Variants in C5orf34 observed in about 807,000 individuals in gnomAD.
C5orf34 encodes chromosome 5 open reading frame 34.
Under a neutral mutation model 78.4 loss-of-function variants are expected in C5orf34, and 73 were observed. The observed-to-expected ratio is 0.93, with a 90% CI of 0.77 to 1.13. C5orf34 has a LOEUF of 1.13. Among genes scored for constraint, C5orf34 ranks in the 50% most tolerant of loss-of-function variants. C5orf34 has a pLI of 0.00. For missense variants in C5orf34, 730 were observed against 732.7 expected, an observed-to-expected ratio of 1.00 and a Z score of 0.04; for synonymous variants, 251 against 246.6, an observed-to-expected ratio of 1.02 and a Z score of -0.17.
At chr5:43,502,321 A>G (rs1455359674) in intron 6 of C5orf34, 51 bp downstream of exon 6, 1 of 1,587,314 alleles carries the variant, frequency 6.3e-7, no homozygotes, top group East Asian at 2.3e-5. Context: ...AATTATTTAG[A>G]AAGAGCTATA....
intron 6 of C5orf34, chr5:43,496,513 G>GAA (rs141439357): frequency 1.8e-5 from 24 of 1,317,746 alleles, no homozygotes; most frequent in African/African-American, 1.1e-4. Flanking sequence ...CCCATTGTGG[G>GAA]AAAAAAAAGC....
intron 8 of C5orf34, 120 bp from the exon 9 acceptor site, chr5:43,493,010 C>A: frequency 3.4e-5 from 16 of 473,388 alleles, no homozygotes; most frequent in East Asian, 1.4e-4. Flanking sequence ...ATTATAAAAT[C>A]CTTATATTTT....
At chr5:43,502,070 G>T (rs892811813) in intron 6 of C5orf34, among the ~76,000 whole-genome samples, 1 of 152,202 alleles carries the variant, frequency 6.6e-6, no homozygotes, top group Non-Finnish European at 1.5e-5. Context: ...TTAATTCAAA[G>T]TAGTGTATTA....
At chr5:43,496,744 G>A (rs1038453043) in intron 6 of C5orf34, among the ~76,000 whole-genome samples, 2 of 61,538 alleles carry the variant, frequency 3.3e-5, no homozygotes, top group Non-Finnish European at 6.6e-5. Context: ...CCACCATACC[G>A]GGCTAATTTT....
chr5:43,497,198 C>T (rs1251189628), intron 6 of C5orf34, among the ~76,000 whole-genome samples: 1 of 151,956 alleles, frequency 6.6e-6, no homozygotes, highest in Admixed American at 6.6e-5. Context: ...CTAGTGTTTC[C>T]CAGCACTCTG....
In C5orf34 at chr5:43,509,220, T is replaced by C. The variant is rs960233818; in HGVS notation, c.120A>G (p.Pro40=). 5 of 1,614,038 alleles carry C rather than the reference T, an allele frequency of 3.1e-6. 1 individual carries two copies. The African/African-American group carries it at 6.7e-5, about 22-fold the overall frequency. ...GTTCTAAAGGATGTGCTGAAACAGGTGGTGACTTTTCAAATAAAAATTCAG... is the reference window on the plus strand; with the variant it reads ...GTTCTAAAGGATGTGCTGAAACAGGCGGTGACTTTTCAAATAAAAATTCAG... ...CGSEFLFEKS[P]PVSAHPLEQP... is the part of the protein sequence containing the mutation. The change falls in exon 2 of 13, where the codon CCA becomes CCG. Residue 40 remains proline (P), a synonymous_variant. Coordinates refer to ENST00000306862, the MANE Select transcript of C5orf34 (RefSeq NM_198566.4).
In C5orf34 at chr5:43,492,742, C is replaced by G. The variant is rs1745335364; in HGVS notation, c.1463G>C (p.Ser488Thr). The G allele has an allele frequency of 3.1e-6, 5 of 1,612,534 alleles. No homozygotes were observed. Among genetic ancestry groups the G allele is most frequent in the South Asian group, 1.1e-5 (1 of 90,904 alleles). The change falls in exon 9 of 13, where the codon AGC (serine) becomes ACC (threonine). Residue 488 changes from serine (S) to threonine (T), a missense_variant. By Grantham distance (58) the Ser-to-Thr change is moderately conservative (BLOSUM62 1). Transcript: ENST00000306862. The part of the protein sequence containing the change: ...GITLTLNWNF[S>T]SPIEKRQVNQ... ...CACCTGTCTCTTCTCAATAGGAGAG[C>G]TGAAATTCCAATTTAGGGTTAGAGT...
At chr5:43,502,224 A>G in intron 6 of C5orf34, 148 bp downstream of exon 6, 1 of 759,280 alleles carries the variant, frequency 1.3e-6, no homozygotes, top group Admixed American at 2.8e-5. Flanking sequence ...TACTGTACCA[A>G]TGCTGGCAGT....
At chr5:43,514,781 C>T (rs1043206324) in intron 1 of C5orf34, 25 bp downstream of exon 1, 15 of 152,182 alleles carry the variant, frequency 9.9e-5, no homozygotes, top group Admixed American at 2.6e-4. Context: ...CTGATCAAAA[C>T]AACCACCAAA....
intron 6 of C5orf34, among the ~76,000 whole-genome samples, chr5:43,499,112 A>G (rs1561211447): frequency 6.6e-5 from 10 of 152,240 alleles, no homozygotes; most frequent in Admixed American, 2.6e-4. Flanking sequence ...CTTTGAAGAA[A>G]AAACATGAGG....
At position 43,492,315 on chromosome 5, in the gene C5orf34, G is replaced by T. The variant is rs1745318630; in HGVS notation, c.1486-6C>A. ...AAGTTAAGACCTTGATTTACCTGAA[G>T]AAGTAGAAAGATAAGTTTTATCATT... On this transcript the variant is annotated splice_region_variant and splice_polypyrimidine_tract_variant and intron_variant, in intron 9 of 12. Transcript: ENST00000306862. The T allele has an allele frequency of 1.3e-6, 2 of 1,552,524 alleles. No individual in the cohort carries two copies. The highest frequency in any genetic ancestry group is 2.7e-5 in the African/African-American group (2 of 73,304).
intron 11 of C5orf34, among the ~76,000 whole-genome samples, chr5:43,489,837 G>T (rs1156392121): frequency 6.6e-6 from 1 of 152,058 alleles, no homozygotes; most frequent in Non-Finnish European, 1.5e-5. Flanking sequence ...TTCCCAAATT[G>T]TTCCTGGTAT....
chr5:43,495,459 G>A lies in C5orf34; in HGVS notation c.1153-858C>T, dbSNP rs1745464275. 12 of 1,610,098 alleles carry A rather than the reference G, an allele frequency of 7.5e-6. No individual in the cohort carries two copies. The East Asian group carries it at 2.7e-4, about 36-fold the overall frequency. On this transcript the variant is annotated intron_variant, in intron 6 of 12. Transcript: ENST00000306862. ...GCAATGAAGTCAGCTGTTTCCATTG[G>A]TGGGTCATTTTTGCTGTCACCAGCA...
At chr5:43,510,046 C>A (rs2112333885) in intron 1 of C5orf34, among the ~76,000 whole-genome samples, 1 of 152,290 alleles carries the variant, frequency 6.6e-6, no homozygotes, top group Non-Finnish European at 1.5e-5. Flanking sequence ...AGCCACTGCG[C>A]CCGGCCTAAA....
At chr5:43,495,089 G>C (rs1745444962) in intron 6 of C5orf34, 5 of 1,513,564 alleles carry the variant, frequency 3.3e-6, no homozygotes, top group South Asian at 1.1e-5. Flanking sequence ...AGCCTTCTGA[G>C]CTGTCTGGGC....
At chr5:43,507,705 C>G (rs899526348) in intron 3 of C5orf34, among the ~76,000 whole-genome samples, 3 of 152,182 alleles carry the variant, frequency 2.0e-5, no homozygotes, top group Admixed American at 6.5e-5. Context: ...AGACTAGGTT[C>G]AAATCCTGAC....
chr5:43,497,072 G>C (rs1745562455), intron 6 of C5orf34, among the ~76,000 whole-genome samples: 1 of 152,036 alleles, frequency 6.6e-6, no homozygotes, highest in Non-Finnish European at 1.5e-5. Flanking sequence ...TACATTAATG[G>C]AAGAAATACT....
At position 43,502,447 on chromosome 5, in the gene C5orf34, T is replaced by C. The variant is rs144319707; in HGVS notation, c.1077A>G (p.Gly359=). ...AAGCCCCTTCTGATTTGAAAACAGATCCATCCCCAGAATAAATCTCTATTG... is the reference window on the plus strand; with the variant it reads ...AAGCCCCTTCTGATTTGAAAACAGACCCATCCCCAGAATAAATCTCTATTG... ...MNSIEIYSGD[G]SVFKSEGAYF... The change falls in exon 6 of 13, where the codon GGA becomes GGG. Residue 359 remains glycine, a synonymous_variant. Transcript: ENST00000306862. The C allele has an allele frequency of 6.1e-5, 96 of 1,581,368 alleles. No homozygotes were observed. Among genetic ancestry groups the C allele is most frequent in the Non-Finnish European group, 7.0e-5 (81 of 1,151,284 alleles).
chr5:43,491,767 G>A (rs1460546154), intron 10 of C5orf34, among the ~76,000 whole-genome samples: 4 of 152,142 alleles, frequency 2.6e-5, no homozygotes, highest in African/African-American at 4.8e-5. Flanking sequence ...ACTTTGGGAG[G>A]CCAAGGTGGG....
Sources: allele counts gnomAD v4.1 joint callset (sites outside exome capture counted in the v4.1 genomes callset), GRCh38; gene constraint gnomAD v4.1.1; transcripts MANE v1.5; gene names NCBI Gene and HGNC (gene_info 2026-07-23, HGNC 2026-07-21).